The following TNS3 variants were observed in gnomAD, a reference collection of about 807,000 sequenced individuals.
The protein encoded by TNS3 is tensin 3.
Under a neutral mutation model 140.9 loss-of-function variants are expected in TNS3, and 45 were observed. That is an observed-to-expected ratio of 0.32 (90% CI 0.25 to 0.41). The LOEUF is 0.41. Among genes scored for constraint, TNS3 ranks in the 10% least tolerant of loss-of-function variants. The pLI, the probability that TNS3 is intolerant of heterozygous loss-of-function variation, is 1.00. For synonymous variants in TNS3, 815 were observed against 788.4 expected (o/e 1.03, Z -0.56); for missense variants, 1,716 against 1,906.7 (o/e 0.90, Z 1.86).
chr7:47,572,854 G>A (rs533735586), intron 1 of TNS3, among the ~76,000 whole-genome samples: 5 of 150,284 alleles, frequency 3.3e-5, no homozygotes, highest in South Asian at 2.1e-4. Flanking sequence ...ACGAGACTCC[G>A]TCTCAAAAAA....
At chr7:47,446,664 A>G (rs1584679593) in intron 4 of TNS3, among the ~76,000 whole-genome samples, 1 of 143,268 alleles carries the variant, frequency 7.0e-6, no homozygotes, top group African/African-American at 2.6e-5. Flanking sequence ...GTAAGCCTGC[A>G]AAGACCGCCC....
In TNS3 at chr7:47,280,147, A is replaced by C; in HGVS notation, c.4193+17T>G. 6.2e-7 allele frequency: 1 copy of C among 1,614,080 alleles called. No homozygotes were observed. The highest frequency in any genetic ancestry group is 8.5e-7 in the Non-Finnish European group (1 of 1,179,970). On this transcript the variant is annotated intron_variant, in intron 30 of 30. Transcript: ENST00000311160. ...CTGCAGACAAGGAGAGAATGTAAAG[A>C]AATCTCAGCAACTTACTTTGAGGAA...
intron 3 of TNS3, among the ~76,000 whole-genome samples, chr7:47,499,502 T>C (rs1339369635): frequency 1.3e-5 from 2 of 152,216 alleles, no homozygotes; most frequent in Non-Finnish European, 2.9e-5. Context: ...GAGGGTAAAC[T>C]GTGGCACATC....
chr7:47,412,993 C>T (rs778507787), intron 12 of TNS3, among the ~76,000 whole-genome samples: 17 of 152,004 alleles, frequency 1.1e-4, no homozygotes, highest in Non-Finnish European at 1.2e-4. Context: ...CTCGCTCTGT[C>T]GCCAGGCTGG....
chr7:47,382,251 G>A (rs1256540166), intron 16 of TNS3, among the ~76,000 whole-genome samples: 1 of 152,134 alleles, frequency 6.6e-6, no homozygotes, highest in Non-Finnish European at 1.5e-5. Flanking sequence ...GGTTTTTGTT[G>A]TTTTGTTTTT....
intron 13 of TNS3, among the ~76,000 whole-genome samples, chr7:47,410,299 G>A (rs1052325748): frequency 3.3e-5 from 5 of 152,202 alleles, no homozygotes; most frequent in African/African-American, 4.8e-5. Flanking sequence ...GTAGAACAGA[G>A]AGCTGAGGAA....
chr7:47,451,631 G>A (rs937577988), intron 4 of TNS3, among the ~76,000 whole-genome samples: 2 of 152,128 alleles, frequency 1.3e-5, no homozygotes, highest in East Asian at 3.9e-4. Flanking sequence ...AATCCACAAG[G>A]AAGCAGGACT....
intron 13 of TNS3, 38 bp from the exon 14 acceptor site, chr7:47,400,952 G>A (rs1300128880): frequency 1.9e-6 from 3 of 1,611,970 alleles, no homozygotes; most frequent in Non-Finnish European, 2.5e-6. Context: ...AGTAGCTGCA[G>A]CGGGGGACAC....
intron 23 of TNS3, among the ~76,000 whole-genome samples, chr7:47,300,489 T>C (rs1183953362): frequency 6.6e-6 from 1 of 152,204 alleles, no homozygotes; most frequent in Non-Finnish European, 1.5e-5. Flanking sequence ...GGCAGGTACC[T>C]TCCACATGGC....
At chr7:47,326,868 AAGG>A (rs1480627693) in intron 20 of TNS3, among the ~76,000 whole-genome samples, 1 of 152,204 alleles carries the variant, frequency 6.6e-6, no homozygotes, top group African/African-American at 2.4e-5. Flanking sequence ...TCAGCCTGGG[AAGG>A]AGAAGCTGGA....
rs2151384358 is a variant in TNS3, at chr7:47,407,398, C to G, written c.723+4329G>C. On this transcript the variant is annotated intron_variant, in intron 13 of 30. Transcript: ENST00000311160. The surrounding 1 kb of genome is among the most constrained non-coding windows in gnomAD (Gnocchi z 4.1). ...TCATCTCCCTGAAGGACCCAGACTCCCGGGAGCAGGAGCCCTGCACTGCCC... is the reference window on the plus strand; with the variant it reads ...TCATCTCCCTGAAGGACCCAGACTCGCGGGAGCAGGAGCCCTGCACTGCCC... Among the ~76,000 whole-genome samples the G allele has an allele frequency of 1.3e-5, 2 of 152,310 alleles. 1 individual carries two copies. The highest frequency in any genetic ancestry group is 4.1e-4 in the South Asian group (2 of 4,832).
chr7:47,470,836 A>G, intron 4 of TNS3, among the ~76,000 whole-genome samples: 1 of 152,136 alleles, frequency 6.6e-6, no homozygotes, highest in Non-Finnish European at 1.5e-5. Context: ...CCACCTGCAG[A>G]GGTGGGACAA....
At chr7:47,541,902 T>C (rs1799798248) in intron 1 of TNS3, among the ~76,000 whole-genome samples, 1 of 150,514 alleles carries the variant, frequency 6.6e-6, no homozygotes, top group Non-Finnish European at 1.5e-5. Context: ...TGAGCCGAAA[T>C]TGTGCCACTG....
rs535037795 is a variant in TNS3 at position 47,375,748 on chromosome 7, A to G, written c.1025-6127T>C. 6.6e-5 allele frequency among the ~76,000 whole-genome samples: 10 copies of G among 152,382 alleles called. No homozygotes were observed. In the South Asian group the frequency reaches 1.9e-3, roughly 28 times the overall value. On this transcript the variant is annotated intron_variant, in intron 16 of 30. Coordinates refer to ENST00000311160, the MANE Select transcript of TNS3 (RefSeq NM_022748.12). ...CTCCCCGGCATGCTAACAATCAGATAGCCAAAGGGACAGCTGATCTCACAC... is the reference window on the plus strand; with the variant it reads ...CTCCCCGGCATGCTAACAATCAGATGGCCAAAGGGACAGCTGATCTCACAC...
At chr7:47,431,048 G>T (rs1029180011) in intron 8 of TNS3, among the ~76,000 whole-genome samples, 2 of 152,002 alleles carry the variant, frequency 1.3e-5, no homozygotes, top group African/African-American at 4.8e-5. Flanking sequence ...GACCATAGTG[G>T]TATGAAACTA....
intron 1 of TNS3, among the ~76,000 whole-genome samples, chr7:47,536,680 G>T (rs981305955): frequency 6.6e-6 from 1 of 152,122 alleles, no homozygotes; most frequent in Non-Finnish European, 1.5e-5. Context: ...ACCAGAAGAC[G>T]CCCCCACTAG....
chr7:47,361,002 C>T (rs1329134789), intron 17 of TNS3, among the ~76,000 whole-genome samples: 3 of 151,966 alleles, frequency 2.0e-5, no homozygotes, highest in East Asian at 1.9e-4. Context: ...CCAGCTGCTA[C>T]GGGCGCAGGC....
intron 16 of TNS3, among the ~76,000 whole-genome samples, chr7:47,379,454 C>G (rs747296329): frequency 3.7e-4 from 57 of 152,092 alleles, no homozygotes; most frequent in Non-Finnish European, 6.2e-4. Context: ...ATTTTCTATT[C>G]CACAGAAAAT....
At chr7:47,500,968 A>G (rs1346590726) in intron 3 of TNS3, among the ~76,000 whole-genome samples, 1 of 152,088 alleles carries the variant, frequency 6.6e-6, no homozygotes, top group Non-Finnish European at 1.5e-5. Flanking sequence ...CACGCCTATA[A>G]CCCCAGCTAC....
Sources: gnomAD v4.1 joint callset for allele counts (sites outside exome capture counted in the v4.1 genomes callset) on GRCh38, gnomAD v4.1.1 for gene constraint, Gnocchi (gnomAD v3.1) non-coding constraint, MANE v1.5 for transcripts, NCBI Gene and HGNC (gene_info 2026-07-23, HGNC 2026-07-21) for gene names.